Variants in NCOA3 observed in about 807,000 individuals in gnomAD.
The protein encoded by NCOA3 is nuclear receptor coactivator 3.
NCOA3 carries 51 observed loss-of-function variants against 158.8 expected under a neutral mutation model. That is an observed-to-expected ratio of 0.32 (90% CI 0.26 to 0.41). The LOEUF (loss-of-function observed/expected upper bound fraction) is 0.41, where lower values mean the gene tolerates loss of function less well. Ranked by LOEUF, NCOA3 falls within the 10% of genes least tolerant of loss-of-function variation. The pLI, the probability that NCOA3 is intolerant of heterozygous loss-of-function variation, is 1.00. For missense variants in NCOA3, 1,510 were observed against 1,746.6 expected (o/e 0.86, Z 2.41); for synonymous variants, 537 against 592.4 (o/e 0.91, Z 1.36).
intron 1 of NCOA3, among the ~76,000 whole-genome samples, chr20:47,503,448 C>T (rs530120329): frequency 9.2e-4 from 140 of 152,296 alleles, no homozygotes; most frequent in Admixed American, 9.8e-4. Context: ...CTCTTTCACG[C>T]CAAACCCTAC....
chr20:47,647,917 T>C (rs1238628576), intron 18 of NCOA3, among the ~76,000 whole-genome samples: 3 of 142,108 alleles, frequency 2.1e-5, no homozygotes, highest in Non-Finnish European at 4.5e-5. Flanking sequence ...TTGTTTTGTT[T>C]TGTTTTTTTT....
intron 1 of NCOA3, among the ~76,000 whole-genome samples, chr20:47,517,438 CTTTTTTCTTTTTCTTTTTTTT>C (rs1174472648): frequency 1.4e-5 from 2 of 147,650 alleles, no homozygotes; most frequent in Admixed American, 1.3e-4. Context: ...TTCTTTTTTT[CTTTTTTCTTTTTCTTTTTTTT>C]TTTTTTTTTG....
chr20:47,581,311 A>C (rs1394249215), intron 1 of NCOA3, among the ~76,000 whole-genome samples: 1 of 152,166 alleles, frequency 6.6e-6, no homozygotes, highest in Non-Finnish European at 1.5e-5. Flanking sequence ...AGCATTTTGC[A>C]TAAGGGATAG....
rs1294369548 is a variant in NCOA3, at chr20:47,653,943, T to C, written c.*526T>C. On this transcript the variant is annotated 3_prime_UTR_variant, in exon 23 of 23. Transcript: ENST00000371998. ...ATTGTCCTTTACTAATGGTGTTGAG[T>C]TGCTCTGTCCCTATTATTTGCCCTA... The C allele has an allele frequency of 6.5e-6, 1 of 154,018 alleles. No individual in the cohort carries two copies. The highest frequency in any genetic ancestry group is 1.4e-5 in the Non-Finnish European group (1 of 69,358). The allele number at this position is 154,018 out of a possible 1,614,324, so 9.5% of individuals were successfully genotyped here. A position where few individuals can be genotyped will look rare whatever the true frequency, so the allele number is the denominator to read the frequency against.
chr20:47,578,081 T>A (rs2146212736), intron 1 of NCOA3, among the ~76,000 whole-genome samples: 1 of 152,296 alleles, frequency 6.6e-6, no homozygotes, highest in Middle Eastern at 3.4e-3. Context: ...AATACATTTT[T>A]ACTTAATTGA....
chr20:47,651,248 G>T lies in NCOA3; in HGVS notation c.3918G>T (p.Pro1306=), dbSNP rs149315000. 6.2e-7 allele frequency: 1 copy of T among 1,610,268 alleles called. No homozygotes were observed. The highest frequency in any genetic ancestry group is 8.5e-7 in the Non-Finnish European group (1 of 1,176,790). ...LAGPTMPQAP[P]QQFPYQPNYG... ...GACCCACAATGCCACAAGCTCCTCC[G>T]CAACAGTTTCCATATCAACCAAATT... The change falls in exon 20 of 23, where the codon CCG becomes CCT. Residue 1306 remains proline (P), a synonymous_variant. Transcript: ENST00000371998.
chr20:47,512,312 T>C (rs1031810041), intron 1 of NCOA3, among the ~76,000 whole-genome samples: 4 of 152,032 alleles, frequency 2.6e-5, no homozygotes, highest in Non-Finnish European at 5.9e-5. Context: ...AGCTCACACC[T>C]ATAATCCCAG....
chr20:47,566,946 G>A (rs2085204026), intron 1 of NCOA3, among the ~76,000 whole-genome samples: 1 of 151,908 alleles, frequency 6.6e-6, no homozygotes, highest in Admixed American at 6.6e-5. Context: ...TAGCAAGACT[G>A]TCAAAAAAGA....
chr20:47,514,742 A>G (rs1385741689), intron 1 of NCOA3, among the ~76,000 whole-genome samples: 1 of 128,458 alleles, frequency 7.8e-6, no homozygotes, highest in African/African-American at 3.1e-5. Context: ...TTTGAGACAG[A>G]GTCTTGCTCT....
chr20:47,533,851 A>G (rs1235265479), intron 1 of NCOA3, among the ~76,000 whole-genome samples: 2 of 152,204 alleles, frequency 1.3e-5, no homozygotes, highest in East Asian at 3.9e-4. Context: ...GCTTGAACCC[A>G]GGAGGTTGAG....
intron 1 of NCOA3, among the ~76,000 whole-genome samples, chr20:47,564,869 G>A (rs1019304769): frequency 1.3e-5 from 2 of 151,950 alleles, no homozygotes; most frequent in African/African-American, 4.8e-5. Flanking sequence ...TTTCTTGTCT[G>A]TTTTTCTTAG....
Position 47,650,980 on chromosome 20 carries a change from A to G in NCOA3, c.3652-2A>G. 6.2e-7 allele frequency: 1 copy of G among 1,613,362 alleles called. No individual in the cohort carries two copies. The highest frequency in any genetic ancestry group is 1.3e-5 in the African/African-American group (1 of 75,010). On this transcript the variant is annotated splice_acceptor_variant, in intron 19 of 22. Transcript: ENST00000371998. LOFTEE classifies it high-confidence loss of function. ...GTAATTGCACTCTTTCTTGGGTATT[A>G]GCAGGGTTTTCTTAATGCTCAAATG...
intron 4 of NCOA3, among the ~76,000 whole-genome samples, chr20:47,624,471 A>G (rs1253410167): frequency 6.6e-6 from 1 of 152,158 alleles, no homozygotes; most frequent in East Asian, 1.9e-4. Context: ...ATCTAATGCT[A>G]CTTCTGAGCT....
At chr20:47,634,733 C>T (rs1490634730) in intron 10 of NCOA3, among the ~76,000 whole-genome samples, 1 of 152,210 alleles carries the variant, frequency 6.6e-6, no homozygotes, top group East Asian at 1.9e-4. Context: ...AGTGGTCTCA[C>T]TCATAGATTC....
At chr20:47,638,404 C>T (rs955801612) in intron 13 of NCOA3, among the ~76,000 whole-genome samples, 2 of 151,988 alleles carry the variant, frequency 1.3e-5, no homozygotes, top group African/African-American at 2.4e-5. Flanking sequence ...AGTGAGACTC[C>T]GTCTCAAACA....
At position 47,636,037 on chromosome 20, in the gene NCOA3, T is replaced by C. The variant is rs1305347904; in HGVS notation, c.1651T>C (p.Ser551Pro). 1.2e-6 allele frequency: 2 copies of C among 1,613,948 alleles called. No homozygotes were observed. Among genetic ancestry groups the C allele is most frequent in the Non-Finnish European group, 1.7e-6 (2 of 1,180,014 alleles). The change falls in exon 12 of 23, where the codon TCT becomes CCT. Residue 551 changes from serine (S) to proline (P), a missense_variant. Ser to Pro is a moderately conservative substitution (Grantham distance 74). Around this residue, in one of 4 missense-constraint regions of NCOA3, gnomAD observed 1,017 missense variants for 1,098.3 expected, o/e 0.93. Coordinates refer to ENST00000371998, the MANE Select transcript of NCOA3 (RefSeq NM_181659.3). ...LSSPGPKLDN[S>P]PNMNITQPSK... ...ATCACCAGGCCCCAAATTGGATAAC[T>C]CTCCCAATATGAATATTACCCAACC... is the stretch of plus-strand genomic sequence containing the variant.
At chr20:47,545,104 A>G (rs2084806034) in intron 1 of NCOA3, among the ~76,000 whole-genome samples, 1 of 141,146 alleles carries the variant, frequency 7.1e-6, no homozygotes, top group Non-Finnish European at 1.5e-5. Flanking sequence ...CAGTATGATG[A>G]TGTCGACCTG....
At chr20:47,512,712 A>G (rs1262444461) in intron 1 of NCOA3, among the ~76,000 whole-genome samples, 1 of 152,094 alleles carries the variant, frequency 6.6e-6, no homozygotes, top group Non-Finnish European at 1.5e-5. Context: ...ACCACTATAC[A>G]CTCACTATGA....
chr20:47,639,879 T>C, intron 15 of NCOA3, 46 bp from the exon 16 acceptor site: 1 of 1,613,144 alleles, frequency 6.2e-7, no homozygotes, highest in Non-Finnish European at 8.5e-7. Flanking sequence ...TTCAGGATAA[T>C]TTTTGCTCTT....
Sources: allele counts gnomAD v4.1 joint callset (sites outside exome capture counted in the v4.1 genomes callset), GRCh38; gene constraint gnomAD v4.1.1; regional missense constraint gnomAD v4.1.1; transcripts MANE v1.5; gene names NCBI Gene and HGNC (gene_info 2026-07-23, HGNC 2026-07-21).